C4orf51: variants seen among roughly 807,000 people sequenced by gnomAD.
The protein encoded by C4orf51 is chromosome 4 open reading frame 51.
In C4orf51, 25 loss-of-function variants were observed where a neutral mutation model predicts 25.2. That is an observed-to-expected ratio of 0.99 (90% CI 0.72 to 1.39). The LOEUF (loss-of-function observed/expected upper bound fraction) is 1.39. Ranked by LOEUF, C4orf51 falls within the 40% of genes most tolerant of loss-of-function variation. The pLI, the probability that C4orf51 is intolerant of heterozygous loss-of-function variation, is 0.00. For missense variants in C4orf51, 252 were observed against 239.6 expected (o/e 1.05, Z -0.34); for synonymous variants, 100 against 84.5 (o/e 1.18, Z -1.01).
At chr4:145,682,052 G>A (rs1327427212) in intron 1 of C4orf51, among the ~76,000 whole-genome samples, 1 of 152,028 alleles carries the variant, frequency 6.6e-6, no homozygotes, top group East Asian at 1.9e-4. Flanking sequence ...TAATAACTCT[G>A]AAAAAAATGC....
the C4orf51 span, among the ~76,000 whole-genome samples, chr4:145,777,176 T>C: frequency 6.6e-6 from 1 of 152,258 alleles, no homozygotes; most frequent in Non-Finnish European, 1.5e-5. Context: ...AGGGCTGGCA[T>C]CTGGGCTCAG....
chr4:145,687,080 T>C (rs1175107310), intron 1 of C4orf51, among the ~76,000 whole-genome samples: 1 of 151,682 alleles, frequency 6.6e-6, no homozygotes, highest in African/African-American at 2.4e-5. Context: ...TAAAGGGAAA[T>C]GTCAAGCTGG....
At chr4:145,701,449 C>T (rs982022434) in intron 2 of C4orf51, among the ~76,000 whole-genome samples, 29 of 152,008 alleles carry the variant, frequency 1.9e-4, no homozygotes, top group Admixed American at 8.5e-4. Flanking sequence ...CCCATCTGTG[C>T]GGGGACCCCA....
At chr4:145,777,817 A>G in the C4orf51 span, among the ~76,000 whole-genome samples, 4 of 152,090 alleles carry the variant, frequency 2.6e-5, no homozygotes, top group African/African-American at 9.7e-5. Flanking sequence ...TCCTCTGACT[A>G]GAGCTCTTGC....
Position 145,732,547 on chromosome 4 carries a change from C to T in C4orf51, c.596C>T (p.Ser199Leu), listed in dbSNP as rs1385380451. 6 of 1,606,872 alleles carry T rather than the reference C, an allele frequency of 3.7e-6. No homozygotes were observed. The South Asian group carries it at 4.5e-5, about 12-fold the overall frequency. ...GATTATGGCTGGGGAGGACCCTCAT[C>T]GCCATTTAACTGAGTTGGAAAATGA... ...YSDYGWGGPSSPFN is the reference protein window; with the variant it reads ...YSDYGWGGPSLPFN Residue 199 changes from serine to leucine, a missense_variant, in exon 6 of 6, where the codon TCG (serine) becomes TTG (leucine). By Grantham distance (145) the Ser-to-Leu change is moderately radical. Coordinates refer to ENST00000438731, the MANE Select transcript of C4orf51 (RefSeq NM_001080531.3).
At chr4:145,781,195 C>CAAAAAAAAAAAAAAAAAAAAAG in the C4orf51 span, among the ~76,000 whole-genome samples, 1 of 56,546 alleles carries the variant, frequency 1.8e-5, no homozygotes, top group Non-Finnish European at 2.8e-5. Context: ...GACACCATCT[C>CAAAAAAAAAAAAAAAAAAAAAG]AAAAAAAAAA....
chr4:145,685,739 G>C (rs995220930), intron 1 of C4orf51, among the ~76,000 whole-genome samples: 2 of 152,102 alleles, frequency 1.3e-5, no homozygotes, highest in African/African-American at 4.8e-5. Context: ...CTGCCTTTTA[G>C]TTTTTACTTT....
chr4:145,680,371 A>T lies in C4orf51; in HGVS notation c.168A>T (p.Gln56His). ...ACACAGGCAGTTACCGGAAAAAACA[A>T]CTGGACAAGTCCATGTGCAGCCAAT... is the stretch of plus-strand genomic sequence containing the variant. Reference protein sequence around the residue: ...TTYTGSYRKKQLDKSMCSQFS... With the variant: ...TTYTGSYRKKHLDKSMCSQFS... Residue 56 changes from glutamine (Q) to histidine (H), a missense_variant, in exon 1 of 6, where the codon CAA (glutamine) becomes CAT (histidine). Gln to His is a conservative substitution (Grantham distance 24, BLOSUM62 0). Transcript: ENST00000438731. 6 of 1,614,014 alleles carry T rather than the reference A, an allele frequency of 3.7e-6. No individual in the cohort carries two copies. The highest frequency in any genetic ancestry group is 5.1e-6 in the Non-Finnish European group (6 of 1,179,870).
chr4:145,773,785 C>T (rs1254398639), downstream of C4orf51, among the ~76,000 whole-genome samples: 5 of 152,150 alleles, frequency 3.3e-5, no homozygotes, highest in Admixed American at 1.3e-4. Flanking sequence ...TTTCTTTGGC[C>T]GCGAACACAC....
In C4orf51 at chr4:145,765,815, T is replaced by C. The variant is rs908419645; in HGVS notation, n.167-5173T>C. On this transcript the variant is annotated intron_variant and non_coding_transcript_variant, in intron 1 of 1. Transcript: ENST00000510096. This position sits in a 1 kb window ranked among gnomAD's most constrained non-coding sequence, Gnocchi z 4.7. The stretch of plus-strand genomic sequence containing the variant: ...ATTATAGCAACTGAGGGTGACGAGT[T>C]GAGTCTCATGGATGCATCATCATTC... 1.6e-5 allele frequency: 23 copies of C among 1,445,118 alleles called. No homozygotes were observed. The highest frequency in any genetic ancestry group is 5.8e-5 in the Admixed American group (3 of 52,088). The allele number at this position is 1,445,118 out of a possible 1,614,324, so 89.5% of individuals were successfully genotyped here. A position where few individuals can be genotyped will look rare whatever the true frequency, so the allele number is the denominator to read the frequency against.
At chr4:145,699,670 G>A (rs908590499) in intron 2 of C4orf51, among the ~76,000 whole-genome samples, 13 of 152,196 alleles carry the variant, frequency 8.5e-5, no homozygotes, top group Non-Finnish European at 1.8e-4. Context: ...ATCTACCCAC[G>A]TTTCAAGAGT....
intron 2 of C4orf51, among the ~76,000 whole-genome samples, chr4:145,721,309 C>T (rs1471806592): frequency 1.4e-5 from 2 of 147,628 alleles, no homozygotes; most frequent in African/African-American, 5.1e-5. Flanking sequence ...TGCACCACTG[C>T]ACTCCAGCCT....
Position 145,765,524 on chromosome 4 carries a change from G to C in C4orf51, n.167-5464G>C, listed in dbSNP as rs760350682. 1.4e-5 allele frequency: 22 copies of C among 1,597,492 alleles called. No homozygotes were observed. The highest frequency in any genetic ancestry group is 1.9e-5 in the Non-Finnish European group (22 of 1,172,036). On this transcript the variant is annotated intron_variant and non_coding_transcript_variant, in intron 1 of 1. Coordinates refer to the C4orf51 transcript ENST00000510096. This position sits in a 1 kb window ranked among gnomAD's most constrained non-coding sequence, Gnocchi z 4.7. ...ATCCTGGGTGCGGAGGGTTGAGCAG[G>C]CTCACACCCACCTCCTCCTTACCTT... is the stretch of plus-strand genomic sequence containing the variant.
Position 145,730,702 on chromosome 4 carries a change from T to TAA in C4orf51, c.501+746_501+747dup, listed in dbSNP as rs33942049. Among the ~76,000 whole-genome samples, 358 of 149,016 alleles carry TAA rather than the reference T, an allele frequency of 2.4e-3. 1 individual carries two copies. Among genetic ancestry groups the TAA allele is most frequent in the African/African-American group, 6.8e-3 (276 of 40,784 alleles). ...GGTTTGATATGCTCGTTATGTGTGTTAAAAAAAAAACCCTGACCATTAAAA... is the reference window on the plus strand; with the variant it reads ...GGTTTGATATGCTCGTTATGTGTGTTAAAAAAAAAAAACCCTGACCATTAAAA... On this transcript the variant is annotated intron_variant, in intron 5 of 5. Coordinates refer to ENST00000438731, the MANE Select transcript of C4orf51 (RefSeq NM_001080531.3).
At chr4:145,727,901 A>ATG (rs1732161796) in intron 3 of C4orf51, among the ~76,000 whole-genome samples, 1 of 84,792 alleles carries the variant, frequency 1.2e-5, no homozygotes, top group East Asian at 2.4e-4. Flanking sequence ...ATGTGTATAT[A>ATG]TATATATATA....
chr4:145,689,271 T>G (rs2126665917), intron 1 of C4orf51, among the ~76,000 whole-genome samples: 1 of 152,206 alleles, frequency 6.6e-6, no homozygotes, highest in East Asian at 1.9e-4. Context: ...GTTAGATAAA[T>G]TTTGAGTTAC....
intron 1 of C4orf51, among the ~76,000 whole-genome samples, chr4:145,689,241 A>G (rs866819236): frequency 9.2e-5 from 14 of 152,330 alleles, no homozygotes; most frequent in Non-Finnish European, 5.9e-5. Flanking sequence ...AACACAGAAA[A>G]CACTAACCAG....
intron 1 of C4orf51, among the ~76,000 whole-genome samples, chr4:145,766,317 A>G (rs2126875889): frequency 6.6e-6 from 1 of 152,378 alleles, no homozygotes; most frequent in Non-Finnish European, 1.5e-5. Flanking sequence ...TCTACTCAAG[A>G]GAGCGCGTCA....
chr4:145,736,098 G>T (rs1732788700), downstream of C4orf51, among the ~76,000 whole-genome samples: 1 of 152,080 alleles, frequency 6.6e-6, no homozygotes, highest in Non-Finnish European at 1.5e-5. Context: ...CCAAGCTATG[G>T]TCTGGAAGGT....
Sources: gnomAD v4.1 joint callset for allele counts (sites outside exome capture counted in the v4.1 genomes callset) on GRCh38, gnomAD v4.1.1 for gene constraint, Gnocchi (gnomAD v3.1) non-coding constraint, MANE v1.5 for transcripts, NCBI Gene and HGNC (gene_info 2026-07-23, HGNC 2026-07-21) for gene names.